CEP126: variants seen among roughly 807,000 people sequenced by gnomAD.
CEP126 encodes centrosomal protein of 126 kDa.
In CEP126, 74 loss-of-function variants were observed where a neutral mutation model predicts 107.8. The ratio of observed to expected loss-of-function variants is 0.69; its 90% CI spans 0.57 to 0.83. CEP126 has a LOEUF of 0.83. Ranked by LOEUF, CEP126 falls within the 40% of genes least tolerant of loss-of-function variation. The probability of loss-of-function intolerance (pLI) is 0.00; values close to 1 mark genes in which losing one functional copy is unlikely to be tolerated. For synonymous variants in CEP126, 449 were observed against 446.0 expected, an observed-to-expected ratio of 1.01 and a Z score of -0.08; for missense variants, 1,237 against 1,281.9, an observed-to-expected ratio of 0.96 and a Z score of 0.53.
chr11:101,956,547 C>T (rs764401911), intron 4 of CEP126: 1 of 456,500 alleles, frequency 2.2e-6, no homozygotes, highest in Non-Finnish European at 4.4e-6. Flanking sequence ...TCATCTCCTT[C>T]TACTTCCACA....
At position 101,963,396 on chromosome 11, in the gene CEP126, CAACATATTT is replaced by C. The variant is rs1274407607; in HGVS notation, c.2363_2371del (p.Asn788_Phe790del). 1 of 1,613,972 alleles carries C rather than the reference CAACATATTT, an allele frequency of 6.2e-7. No individual in the cohort carries two copies. The highest frequency in any genetic ancestry group is 1.3e-5 in the African/African-American group (1 of 74,920). Reference sequence around the variant, plus strand: ...TTCAACCACAGTCTGCAAGCAAAGTCAACATATTTACACAAGCTCAGGGAAAATTAATTA... The same window carrying C: ...TTCAACCACAGTCTGCAAGCAAAGTCACACAAGCTCAGGGAAAATTAATTA... On this transcript the variant is annotated inframe_deletion, in exon 6 of 11. Coordinates refer to ENST00000263468, the MANE Select transcript of CEP126 (RefSeq NM_020802.4).
At chr11:101,975,287 TTTAGAA>T (rs1260513758) in intron 6 of CEP126, among the ~76,000 whole-genome samples, 1 of 152,204 alleles carries the variant, frequency 6.6e-6, no homozygotes, top group Non-Finnish European at 1.5e-5. Flanking sequence ...GAAGTCTAAT[TTTAGAA>T]TTAGAATATT....
intron 2 of CEP126, among the ~76,000 whole-genome samples, chr11:101,931,023 C>A (rs945259463): frequency 6.6e-6 from 1 of 151,988 alleles, no homozygotes; most frequent in Non-Finnish European, 1.5e-5. Flanking sequence ...TCTAGCAGCT[C>A]CTTCACATTT....
chr11:101,917,266 T>C (rs965125472), intron 1 of CEP126, among the ~76,000 whole-genome samples: 1 of 152,144 alleles, frequency 6.6e-6, no homozygotes, highest in African/African-American at 2.4e-5. Flanking sequence ...GGAATGTTCT[T>C]TGTGTCTATA....
intron 4 of CEP126, among the ~76,000 whole-genome samples, chr11:101,957,946 G>A (rs1478137175): frequency 1.3e-5 from 2 of 152,160 alleles, no homozygotes; most frequent in African/African-American, 4.8e-5. Flanking sequence ...CCTATATGAA[G>A]GTGGAGTTCT....
chr11:101,923,948 A>AAT (rs1940369929), intron 2 of CEP126, among the ~76,000 whole-genome samples: 1 of 152,198 alleles, frequency 6.6e-6, no homozygotes, highest in Non-Finnish European at 1.5e-5. Context: ...TACATGTAAA[A>AAT]ATATCAGTGT....
At position 101,915,234 on chromosome 11, in the gene CEP126, G is replaced by A. The variant is rs768428583; in HGVS notation, c.-51G>A. 115 of 1,607,496 alleles carry A rather than the reference G, an allele frequency of 7.2e-5. No individual in the cohort carries two copies. The highest frequency in any genetic ancestry group is 9.3e-5 in the Non-Finnish European group (110 of 1,176,808). On this transcript the variant is annotated 5_prime_UTR_variant, in exon 1 of 11. Coordinates refer to ENST00000263468, the MANE Select transcript of CEP126 (RefSeq NM_020802.4). ...GCAGGAGGAGGAGGAAGCCGGAGCTGCCATGAGGGAGGTTCTGGGGGCGAG... is the reference window on the plus strand; with the variant it reads ...GCAGGAGGAGGAGGAAGCCGGAGCTACCATGAGGGAGGTTCTGGGGGCGAG...
At chr11:101,947,765 A>G (rs962705375) in intron 3 of CEP126, among the ~76,000 whole-genome samples, 1 of 152,152 alleles carries the variant, frequency 6.6e-6, no homozygotes, top group Non-Finnish European at 1.5e-5. Flanking sequence ...GGGAGTTTGC[A>G]TGCCAGGAAT....
intron 2 of CEP126, among the ~76,000 whole-genome samples, chr11:101,940,219 C>A (rs557652395): frequency 6.6e-6 from 1 of 152,138 alleles, no homozygotes; most frequent in Non-Finnish European, 1.5e-5. Context: ...AGTTGCAGTG[C>A]GCTGATACTC....
rs752186613 is a variant in CEP126 at position 101,962,191 on chromosome 11, A to T, written c.1156A>T (p.Thr386Ser). 29 of 1,613,670 alleles carry T rather than the reference A, an allele frequency of 1.8e-5. No homozygotes were observed. Among genetic ancestry groups the T allele is most frequent in the East Asian group, 2.2e-5 (1 of 44,864 alleles). Residue 386 changes from threonine (T) to serine (S), a missense_variant, in exon 6 of 11, where the codon ACC becomes TCC. Physicochemically the swap from Thr to Ser is moderately conservative, Grantham distance 58. Around this residue, in one of 3 missense-constraint regions of CEP126, gnomAD observed 1,134 missense variants for 1,150.5 expected, o/e 0.99. Transcript: ENST00000263468. ...MFVLDKKCEKTSETSTMRTTD... is the reference protein window; with the variant it reads ...MFVLDKKCEKSSETSTMRTTD... ...TGTACTAGATAAAAAATGTGAAAAGACCTCTGAAACTAGCACTATGAGGAC... is the reference window on the plus strand; with the variant it reads ...TGTACTAGATAAAAAATGTGAAAAGTCCTCTGAAACTAGCACTATGAGGAC...
In CEP126 at chr11:101,961,815, G is replaced by C. The variant is rs755212069; in HGVS notation, c.780G>C (p.Glu260Asp). 2 of 1,610,014 alleles carry C rather than the reference G, an allele frequency of 1.2e-6. No individual in the cohort carries two copies. The highest frequency in any genetic ancestry group is 1.7e-6 in the Non-Finnish European group (2 of 1,178,026). ...GTATAGACAGTCTTGAGGCTACAGAGCATGAAGAAATATATTTAACACTTA... is the reference window on the plus strand; with the variant it reads ...GTATAGACAGTCTTGAGGCTACAGACCATGAAGAAATATATTTAACACTTA... Reference protein sequence around the residue: ...LSSIDSLEATEHEEIYLTLNK... With the variant: ...LSSIDSLEATDHEEIYLTLNK... Residue 260 changes from glutamate to aspartate, a missense_variant, in exon 6 of 11, where the codon GAG becomes GAC. Transcript: ENST00000263468.
At chr11:101,981,613 A>T (rs767317291) in intron 7 of CEP126, among the ~76,000 whole-genome samples, 58 of 152,098 alleles carry the variant, frequency 3.8e-4, no homozygotes, top group Non-Finnish European at 7.1e-4. Context: ...TTTGATTACC[A>T]TCCAACTCAC....
At chr11:101,968,764 T>C (rs1941089763) in intron 6 of CEP126, among the ~76,000 whole-genome samples, 1 of 152,122 alleles carries the variant, frequency 6.6e-6, no homozygotes, top group South Asian at 2.1e-4. Flanking sequence ...AGGGAAAAGA[T>C]GTCAATTGAG....
chr11:101,937,235 A>G (rs1940596653), intron 2 of CEP126, among the ~76,000 whole-genome samples: 2 of 152,372 alleles, frequency 1.3e-5, no homozygotes, highest in East Asian at 3.9e-4. Flanking sequence ...TTGTTTGGTC[A>G]TCACCACCAT....
intron 2 of CEP126, 81 bp downstream of exon 2, chr11:101,922,841 A>G: frequency 8.9e-7 from 1 of 1,120,854 alleles, no homozygotes. Context: ...GTAGCACTTT[A>G]TGAAACTAAG....
intron 4 of CEP126, among the ~76,000 whole-genome samples, chr11:101,951,128 T>G (rs1940807004): frequency 6.6e-6 from 1 of 152,100 alleles, no homozygotes; most frequent in South Asian, 2.1e-4. Context: ...GAAGAAAGAA[T>G]GAAGATAATG....
At chr11:101,929,274 C>T (rs1045772438) in intron 2 of CEP126, among the ~76,000 whole-genome samples, 9 of 152,156 alleles carry the variant, frequency 5.9e-5, no homozygotes, top group Non-Finnish European at 1.3e-4. Context: ...CTCAGAATGA[C>T]AAGTGATTTT....
At chr11:101,972,319 G>A (rs530477292) in intron 6 of CEP126, among the ~76,000 whole-genome samples, 36 of 151,288 alleles carry the variant, frequency 2.4e-4, no homozygotes, top group Middle Eastern at 3.5e-3. Context: ...CCAGCTACTC[G>A]AGAGGTTGAG....
intron 6 of CEP126, among the ~76,000 whole-genome samples, chr11:101,968,936 A>G (rs566632347): frequency 3.9e-5 from 6 of 152,228 alleles, no homozygotes; most frequent in Non-Finnish European, 8.8e-5. Context: ...TGATAGGTTT[A>G]GTGGACATGT....
Sources: allele counts gnomAD v4.1 joint callset (sites outside exome capture counted in the v4.1 genomes callset), GRCh38; gene constraint gnomAD v4.1.1; regional missense constraint gnomAD v4.1.1; transcripts MANE v1.5; gene names NCBI Gene and HGNC (gene_info 2026-07-23, HGNC 2026-07-21).